GPR39: variants seen among roughly 807,000 people sequenced by gnomAD.
GPR39 encodes G protein-coupled receptor 39, also known as zinc sensing receptor.
A neutral mutation model predicts 18.4 loss-of-function variants in GPR39; 23 were observed. That is an observed-to-expected ratio of 1.25 (90% CI 0.90 to 1.77). GPR39 has a LOEUF of 1.77. Among genes scored for constraint, GPR39 ranks in the 40% most tolerant of loss-of-function variants. The probability of loss-of-function intolerance (pLI) is 0.00; values close to 1 mark genes in which losing one functional copy is unlikely to be tolerated. For synonymous variants in GPR39, 280 were observed against 257.9 expected, an observed-to-expected ratio of 1.09 and a Z score of -0.82; for missense variants, 647 against 602.4, an observed-to-expected ratio of 1.07 and a Z score of -0.78.
chr2:132,564,810 C>CTTTCTT (rs1184406550), intron 1 of GPR39, among the ~76,000 whole-genome samples: 6 of 95,454 alleles, frequency 6.3e-5, no homozygotes, highest in African/African-American at 2.3e-4. Context: ...TTTCTTTTTT[C>CTTTCTT]TTTTTTTTTT....
At chr2:132,517,133 C>T (rs1227203356) in intron 1 of GPR39, among the ~76,000 whole-genome samples, 1 of 151,774 alleles carries the variant, frequency 6.6e-6, no homozygotes. Flanking sequence ...AGCAAAGTCA[C>T]TCCGTTTGTG....
chr2:132,476,130 C>T (rs1681120830), intron 1 of GPR39, among the ~76,000 whole-genome samples: 1 of 152,040 alleles, frequency 6.6e-6, no homozygotes, highest in African/African-American at 2.4e-5. Flanking sequence ...TACCTTTCCA[C>T]ATTCATGGAT....
intron 1 of GPR39, among the ~76,000 whole-genome samples, chr2:132,631,153 G>C (rs983790228): frequency 2.6e-5 from 4 of 152,172 alleles, no homozygotes; most frequent in Non-Finnish European, 5.9e-5. Context: ...CTGCCATTTG[G>C]CGATTATCAA....
chr2:132,645,118 T>C lies in GPR39; in HGVS notation c.874T>C (p.Leu292=), dbSNP rs148565069. The change falls in exon 2 of 2, where the codon TTG becomes CTG. Residue 292 remains leucine, a synonymous_variant. Transcript: ENST00000329321. ...CTGCCCAGGGCTGATTGTTGTGACATTGGCCGTATGCTGGATGCCCAACCA... is the reference window on the plus strand; with the variant it reads ...CTGCCCAGGGCTGATTGTTGTGACACTGGCCGTATGCTGGATGCCCAACCA... ...IIFLRLIVVT[L]AVCWMPNQIR... 1.4e-5 allele frequency: 23 copies of C among 1,613,068 alleles called. No homozygotes were observed. In the African/African-American group the frequency reaches 1.9e-4, roughly 13 times the overall value.
At position 132,645,406 on chromosome 2, in the gene GPR39, G is replaced by T. The variant is rs1442559168; in HGVS notation, c.1162G>T (p.Val388Leu). ...CTCCACCACCGACAGCGCCCGCTTTGTGCAGCGCCCGTTGCTCTTCGCGTC... is the reference window on the plus strand; with the variant it reads ...CTCCACCACCGACAGCGCCCGCTTTTTGCAGCGCCCGTTGCTCTTCGCGTC... ...AHSTTDSARF[V>L]QRPLLFASRR... Residue 388 changes from valine to leucine, a missense_variant, in exon 2 of 2, where the codon GTG becomes TTG. By Grantham distance (32) the Val-to-Leu change is conservative. This residue lies in a region of GPR39 where 581 missense variants were observed against 506.8 expected (regional missense o/e 1.15). Transcript: ENST00000329321. 1 of 1,613,610 alleles carries T rather than the reference G, an allele frequency of 6.2e-7. No individual in the cohort carries two copies. The highest frequency in any genetic ancestry group is 1.7e-5 in the Admixed American group (1 of 60,028).
At chr2:132,433,015 C>T (rs996932582) in intron 1 of GPR39, among the ~76,000 whole-genome samples, 19 of 152,094 alleles carry the variant, frequency 1.2e-4, no homozygotes, top group African/African-American at 2.7e-4. Context: ...TCCCAATAAA[C>T]GTATTATAAT....
chr2:132,577,174 C>T lies in GPR39; in HGVS notation c.857-67927C>T, dbSNP rs565387088. On this transcript the variant is annotated intron_variant, in intron 1 of 1. Transcript: ENST00000329321. ...GAGTTCGAGACCAGCCTGGGCAACA[C>T]GGTGAAACCCCATCTCTACAAAAAA... 8.6e-5 allele frequency among the ~76,000 whole-genome samples: 13 copies of T among 151,666 alleles called. 1 individual carries two copies. The highest frequency in any genetic ancestry group is 3.3e-4 in the Admixed American group (5 of 15,240).
chr2:132,446,960 C>T lies in GPR39; in HGVS notation c.856+29062C>T, dbSNP rs536038733. Among the ~76,000 whole-genome samples the T allele has an allele frequency of 5.3e-5, 8 of 152,232 alleles. 1 individual carries two copies. In the South Asian group the frequency reaches 1.7e-3, roughly 32 times the overall value. Reference sequence around the variant, plus strand: ...GCCCCATATGTAAAGATCCAGATGACCCAGCCAGGTCCCAAGGGGCATGTA... The same window carrying T: ...GCCCCATATGTAAAGATCCAGATGATCCAGCCAGGTCCCAAGGGGCATGTA... On this transcript the variant is annotated intron_variant, in intron 1 of 1. Transcript: ENST00000329321.
chr2:132,608,094 C>T (rs1368406008), intron 1 of GPR39, among the ~76,000 whole-genome samples: 1 of 151,474 alleles, frequency 6.6e-6, no homozygotes, highest in Non-Finnish European at 1.5e-5. Context: ...ATTTCAGGGG[C>T]AAAGAAAAAA....
chr2:132,637,955 G>A (rs1681793512), intron 1 of GPR39, among the ~76,000 whole-genome samples: 1 of 152,124 alleles, frequency 6.6e-6, no homozygotes, highest in Admixed American at 6.6e-5. Context: ...GGTTGCACAT[G>A]GCTTGATTTG....
chr2:132,625,515 G>T (rs1484856984), intron 1 of GPR39, among the ~76,000 whole-genome samples: 1 of 152,114 alleles, frequency 6.6e-6, no homozygotes, highest in Non-Finnish European at 1.5e-5. Flanking sequence ...GGCACATAGT[G>T]CATTCCAGTT....
chr2:132,470,844 C>T (rs191934541), intron 1 of GPR39, among the ~76,000 whole-genome samples: 260 of 152,194 alleles, frequency 1.7e-3, no homozygotes, highest in African/African-American at 5.9e-3. Flanking sequence ...TCCCAACCCC[C>T]ACCTGACACT....
chr2:132,545,304 A>T (rs1260384065), intron 1 of GPR39, among the ~76,000 whole-genome samples: 1 of 152,196 alleles, frequency 6.6e-6, no homozygotes, highest in Non-Finnish European at 1.5e-5. Flanking sequence ...AGAGAGGGTG[A>T]GAAATTAGCC....
rs116490741 is a variant in GPR39 at position 132,499,500 on chromosome 2, T to G, written c.856+81602T>G. On this transcript the variant is annotated intron_variant, in intron 1 of 1. Transcript: ENST00000329321. Reference sequence around the variant, plus strand: ...GGGTGTGATACCTCTAGATTTGTGGTTTTTTTTGTTGTTGTTGTTTGTTTT... The same window carrying G: ...GGGTGTGATACCTCTAGATTTGTGGGTTTTTTTGTTGTTGTTGTTTGTTTT... Among the ~76,000 whole-genome samples the G allele has an allele frequency of 9.0e-3, 1,360 of 151,892 alleles. 21 individuals carry two copies. The highest frequency in any genetic ancestry group is 0.031 in the African/African-American group (1,302 of 41,404).
intron 1 of GPR39, among the ~76,000 whole-genome samples, chr2:132,539,074 T>G (rs1461478190): frequency 6.6e-6 from 1 of 152,144 alleles, no homozygotes; most frequent in Non-Finnish European, 1.5e-5. Context: ...TGTGGATGGT[T>G]TTCCTGTCTC....
intron 1 of GPR39, among the ~76,000 whole-genome samples, chr2:132,540,195 T>C (rs1003508672): frequency 2.0e-5 from 3 of 152,140 alleles, no homozygotes; most frequent in Non-Finnish European, 4.4e-5. Flanking sequence ...GTAGAAAACT[T>C]TTCCTTCCAA....
intron 1 of GPR39, among the ~76,000 whole-genome samples, chr2:132,533,464 A>G (rs1679681270): frequency 7.3e-6 from 1 of 136,424 alleles, no homozygotes; most frequent in Admixed American, 7.7e-5. Flanking sequence ...CAAGCTACCA[A>G]TGACTTTCTT....
intron 1 of GPR39, among the ~76,000 whole-genome samples, chr2:132,430,991 A>C (rs1405188259): frequency 6.6e-6 from 1 of 152,076 alleles, no homozygotes; most frequent in African/African-American, 2.4e-5. Flanking sequence ...ATCTTAGTGC[A>C]TGAGCAGTTT....
At chr2:132,470,805 G>C (rs1398920130) in intron 1 of GPR39, among the ~76,000 whole-genome samples, 1 of 151,988 alleles carries the variant, frequency 6.6e-6, no homozygotes, top group Non-Finnish European at 1.5e-5. Context: ...ATTTGTCCAG[G>C]GTCTTAAATG....
Sources: gnomAD v4.1 joint callset for allele counts (sites outside exome capture counted in the v4.1 genomes callset) on GRCh38, gnomAD v4.1.1 for gene constraint, gnomAD v4.1.1 regional missense constraint, MANE v1.5 for transcripts, NCBI Gene and HGNC (gene_info 2026-07-23, HGNC 2026-07-21) for gene names.